PRH1: variants seen among roughly 807,000 people sequenced by gnomAD.
PRH1 encodes the protein proline rich protein HaeIII subfamily 1, also known as salivary acidic proline-rich phosphoprotein 1/2.
PRH1 carries 7 observed loss-of-function variants against 7.9 expected under a neutral mutation model. That is an observed-to-expected ratio of 0.89 (90% CI 0.50 to 1.67). PRH1 has a LOEUF of 1.67. Ranked by LOEUF, PRH1 falls within the 40% of genes most tolerant of loss-of-function variation. The pLI, the probability that PRH1 is intolerant of heterozygous loss-of-function variation, is 0.00. For synonymous variants in PRH1, 45 were observed against 80.8 expected, an observed-to-expected ratio of 0.56 and a Z score of 2.38; for missense variants, 109 against 223.6, an observed-to-expected ratio of 0.49 and a Z score of 3.27.
intron 1 of PRH1, chr12:11,062,199 G>A (rs758457725): frequency 1.2e-6 from 2 of 1,613,388 alleles, no homozygotes; most frequent in African/African-American, 1.3e-5. Flanking sequence ...ACCACTCAAT[G>A]GAATTTACCA....
chr12:10,901,529 C>A (rs574602703), intron 2 of PRH1, among the ~76,000 whole-genome samples: 1 of 152,148 alleles, frequency 6.6e-6, no homozygotes, highest in Non-Finnish European at 1.5e-5. Context: ...TCCCCACAAC[C>A]CCCAAGGCTG....
At chr12:11,065,888 T>C (rs1225486336) in intron 1 of PRH1, among the ~76,000 whole-genome samples, 1 of 152,168 alleles carries the variant, frequency 6.6e-6, no homozygotes, top group South Asian at 2.1e-4. Context: ...GTAGCTTGTC[T>C]GTTGCTGGGT....
intron 1 of PRH1, among the ~76,000 whole-genome samples, chr12:11,039,504 GT>G (rs1182686970): frequency 6.6e-6 from 1 of 152,200 alleles, no homozygotes; most frequent in Admixed American, 6.5e-5. Context: ...CCAATGAAGA[GT>G]TTTTTAAATG....
intron 2 of PRH1, among the ~76,000 whole-genome samples, chr12:10,940,055 G>C (rs1950372614): frequency 6.6e-6 from 1 of 152,046 alleles, no homozygotes; most frequent in Admixed American, 6.6e-5. Context: ...TTAAAGTTAA[G>C]TCTGTAAAGG....
chr12:10,995,799 T>C (rs1054599304), intron 1 of PRH1, among the ~76,000 whole-genome samples: 1 of 152,164 alleles, frequency 6.6e-6, no homozygotes, highest in Non-Finnish European at 1.5e-5. Flanking sequence ...AGATGACTTT[T>C]CTAATTGCGT....
At chr12:11,086,098 A>G (rs187873075) in intron 1 of PRH1, among the ~76,000 whole-genome samples, 26,407 of 58,526 alleles carry the variant, frequency 0.45, 3,610 homozygotes, top group Non-Finnish European at 0.53. Flanking sequence ...ATTAACATAA[A>G]CACATTCCCC....
intron 2 of PRH1, among the ~76,000 whole-genome samples, chr12:10,971,190 T>G (rs1278260425): frequency 1.3e-5 from 2 of 152,222 alleles, no homozygotes; most frequent in Non-Finnish European, 2.9e-5. Flanking sequence ...ATTCTCCTCT[T>G]GTTTTCCTCC....
chr12:11,135,536 G>C (rs943413483), intron 1 of PRH1, among the ~76,000 whole-genome samples: 1 of 49,444 alleles, frequency 2.0e-5, no homozygotes, highest in Admixed American at 2.0e-4. Context: ...AAAATCCAAA[G>C]CCATGTGATA....
At chr12:11,133,358 T>A in intron 1 of PRH1, 1 of 1,613,940 alleles carries the variant, frequency 6.2e-7, no homozygotes. Context: ...GTACCTCACA[T>A]GCCGCAAAAC....
At chr12:11,102,518 T>A (rs1461628747) in intron 1 of PRH1, among the ~76,000 whole-genome samples, 1 of 152,194 alleles carries the variant, frequency 6.6e-6, no homozygotes, top group African/African-American at 2.4e-5. Context: ...GATCCATTCC[T>A]TACACCTTAT....
chr12:11,090,241 C>A (rs1272110924), intron 1 of PRH1, among the ~76,000 whole-genome samples: 2 of 115,548 alleles, frequency 1.7e-5, no homozygotes, highest in African/African-American at 5.8e-5. Context: ...TTCACAGATA[C>A]TATTTTAACA....
chr12:10,951,757 C>T (rs558402245), intron 2 of PRH1, among the ~76,000 whole-genome samples: 10 of 152,020 alleles, frequency 6.6e-5, no homozygotes, highest in East Asian at 1.9e-4. Flanking sequence ...AATGTGTTTT[C>T]GATTGAAGAA....
rs141088843 is a variant in PRH1, at chr12:11,130,801, A to G, written n.40-9621T>C. Among the ~76,000 whole-genome samples, 55 of 152,308 alleles carry G rather than the reference A, an allele frequency of 3.6e-4. 1 individual carries two copies. In the East Asian group the frequency reaches 9.8e-3, roughly 27 times the overall value. ...GCAAGTGCAGAACATTAATCCAAGC[A>G]TAGAGTCACTCTAAGCACAAGCCCC... is the stretch of plus-strand genomic sequence containing the variant. On this transcript the variant is annotated intron_variant and non_coding_transcript_variant, in intron 1 of 1. Coordinates refer to the PRH1 transcript ENST00000541175.
At chr12:11,164,367 A>C (rs1947509494) in intron 1 of PRH1, among the ~76,000 whole-genome samples, 1 of 152,208 alleles carries the variant, frequency 6.6e-6, no homozygotes, top group Non-Finnish European at 1.5e-5. Flanking sequence ...TTTGGCCTCA[A>C]GACTACACCA....
chr12:10,983,042 G>T (rs1939432887), intron 1 of PRH1, among the ~76,000 whole-genome samples: 1 of 152,176 alleles, frequency 6.6e-6, no homozygotes, highest in South Asian at 2.1e-4. Context: ...AGCAGATATA[G>T]AGTCTGGCCC....
intron 1 of PRH1, among the ~76,000 whole-genome samples, chr12:10,993,177 G>T (rs1279608097): frequency 6.6e-6 from 1 of 152,152 alleles, no homozygotes; most frequent in Admixed American, 6.6e-5. Context: ...CATGGTTTCT[G>T]GTTCTTTGTA....
intron 2 of PRH1, chr12:10,938,405 A>T: frequency 6.2e-7 from 1 of 1,614,094 alleles, no homozygotes; most frequent in South Asian, 1.1e-5. Flanking sequence ...AGCCATTCCC[A>T]TCACCTGGGA....
chr12:11,002,033 TATA>T (rs1940620046), intron 1 of PRH1, among the ~76,000 whole-genome samples: 1 of 152,174 alleles, frequency 6.6e-6, no homozygotes. Flanking sequence ...TAAGGTTATC[TATA>T]ATGATTTGCT....
intron 1 of PRH1, among the ~76,000 whole-genome samples, chr12:11,123,900 A>G (rs770503693): frequency 3.3e-5 from 5 of 152,210 alleles, no homozygotes; most frequent in Non-Finnish European, 7.4e-5. Context: ...TATTTTCTAC[A>G]GGGAAACTGA....
Sources: allele counts gnomAD v4.1 joint callset (sites outside exome capture counted in the v4.1 genomes callset), GRCh38; gene constraint gnomAD v4.1.1; transcripts MANE v1.5; gene names NCBI Gene and HGNC (gene_info 2026-07-23, HGNC 2026-07-21).